FUT8: variants seen among roughly 807,000 people sequenced by gnomAD.
FUT8 encodes alpha-(1,6)-fucosyltransferase.
Under a neutral mutation model 71.3 loss-of-function variants are expected in FUT8, and 29 were observed. The ratio of observed to expected loss-of-function variants is 0.41; its 90% CI spans 0.30 to 0.55. The LOEUF is 0.55. FUT8 is among the 20% of genes least tolerant of loss of function. FUT8 has a pLI of 0.34. For synonymous variants in FUT8, 254 were observed against 239.3 expected, an observed-to-expected ratio of 1.06 and a Z score of -0.57; for missense variants, 544 against 702.1, an observed-to-expected ratio of 0.77 and a Z score of 2.55.
chr14:65,650,496 G>A (rs917618770), intron 6 of FUT8, among the ~76,000 whole-genome samples: 59 of 151,560 alleles, frequency 3.9e-4, no homozygotes, highest in Admixed American at 5.9e-4. Flanking sequence ...AGAGAGCAGG[G>A]AGGTGCCACA....
chr14:65,429,861 CAAAAAAAAA>C (rs58941594), intron 1 of FUT8, among the ~76,000 whole-genome samples: 3 of 80,994 alleles, frequency 3.7e-5, no homozygotes, highest in South Asian at 5.1e-4. Context: ...GAGACTGTCT[CAAAAAAAAA>C]AAAAAAAAAA....
At position 65,576,696 on chromosome 14, in the gene FUT8, C is replaced by CTTTTTTTTTTTTTTTTTTTTTTTTTTT. The variant is rs376473739; in HGVS notation, c.203+14945_203+14971dup. On this transcript the variant is annotated intron_variant, in intron 3 of 10. Coordinates refer to ENST00000673929, the MANE Select transcript of FUT8 (RefSeq NM_001371533.1). ...GGTGTGTGCCATGATGCCCAGCTTG[C>CTTTTTTTTTTTTTTTTTTTTTTTTTTT]TTTTTTTTTTTTTTTTTTTTTTTTT... is the stretch of plus-strand genomic sequence containing the variant. 4.2e-5 allele frequency among the ~76,000 whole-genome samples: 4 copies of CTTTTTTTTTTTTTTTTTTTTTTTTTTT among 96,220 alleles called. 1 individual carries two copies. Among genetic ancestry groups the CTTTTTTTTTTTTTTTTTTTTTTTTTTT allele is most frequent in the African/African-American group, 1.9e-4 (3 of 15,878 alleles). The allele number at this position is 96,220 out of a possible 152,430, so 63.1% of individuals were successfully genotyped here.
chr14:65,438,862 A>G (rs1476533134), intron 1 of FUT8, among the ~76,000 whole-genome samples: 2 of 152,230 alleles, frequency 1.3e-5, no homozygotes, highest in South Asian at 2.1e-4. Flanking sequence ...AGAAGCTGCT[A>G]TGCATTGCTA....
chr14:65,676,419 A>G (rs1270792696), intron 7 of FUT8, among the ~76,000 whole-genome samples: 1 of 152,234 alleles, frequency 6.6e-6, no homozygotes, highest in Admixed American at 6.5e-5. Flanking sequence ...TAACTGTCTC[A>G]GAAATTATCA....
At chr14:65,470,914 C>G (rs1164391158) in intron 2 of FUT8, among the ~76,000 whole-genome samples, 1 of 152,038 alleles carries the variant, frequency 6.6e-6, no homozygotes, top group East Asian at 1.9e-4. Flanking sequence ...CCGCCTCTCC[C>G]TGTGCCGTCC....
At chr14:65,677,151 T>TGTGTGTGTGTGTGCGCGCGCGCGCGCAC in intron 7 of FUT8, among the ~76,000 whole-genome samples, 2 of 110,702 alleles carry the variant, frequency 1.8e-5, no homozygotes, top group Non-Finnish European at 3.6e-5. Context: ...TGTGTGTGTG[T>TGTGTGTGTGTGTGCGCGCGCGCGCGCAC]GCGCGCGCGC....
intron 1 of FUT8, among the ~76,000 whole-genome samples, chr14:65,432,836 C>T (rs1245562987): frequency 6.6e-6 from 1 of 151,952 alleles, no homozygotes; most frequent in African/African-American, 2.4e-5. Flanking sequence ...ATAAATAATC[C>T]ACCCCTTATT....
At chr14:65,532,275 C>T (rs185936133) in intron 2 of FUT8, among the ~76,000 whole-genome samples, 1,615 of 152,284 alleles carry the variant, frequency 0.011, 15 homozygotes, top group Non-Finnish European at 0.017. Context: ...TGCAACCTTG[C>T]CAGCATCTGA....
At chr14:65,716,475 C>T (rs567532248) in intron 7 of FUT8, among the ~76,000 whole-genome samples, 1 of 147,724 alleles carries the variant, frequency 6.8e-6, no homozygotes, top group African/African-American at 2.5e-5. Flanking sequence ...TAACAAAGCA[C>T]ATCTTGCACC....
At chr14:65,451,345 G>C (rs996664568) in intron 1 of FUT8, among the ~76,000 whole-genome samples, 1 of 152,272 alleles carries the variant, frequency 6.6e-6, no homozygotes, top group East Asian at 1.9e-4. Flanking sequence ...CGGAACGGCC[G>C]GATGCTTTAG....
intron 7 of FUT8, among the ~76,000 whole-genome samples, chr14:65,689,694 G>A (rs1318875801): frequency 5.3e-5 from 8 of 152,162 alleles, no homozygotes; most frequent in East Asian, 1.9e-4. Flanking sequence ...ACATGCCACC[G>A]TGCCTGGCTA....
chr14:65,680,338 A>G (rs1286982334), intron 7 of FUT8, among the ~76,000 whole-genome samples: 1 of 152,164 alleles, frequency 6.6e-6, no homozygotes, highest in Non-Finnish European at 1.5e-5. Flanking sequence ...TAGCTTTTGC[A>G]TTTATGTCTA....
At chr14:65,688,365 G>C (rs1406578917) in intron 7 of FUT8, among the ~76,000 whole-genome samples, 1 of 151,130 alleles carries the variant, frequency 6.6e-6, no homozygotes, top group East Asian at 1.9e-4. Context: ...TTTCTGACTG[G>C]CTTTTGTTTT....
upstream of FUT8, among the ~76,000 whole-genome samples, chr14:65,408,619 AT>A (rs1235780692): frequency 2.0e-5 from 3 of 152,266 alleles, no homozygotes; most frequent in African/African-American, 7.2e-5. Flanking sequence ...TGAATGTTCA[AT>A]TAGAAATCAA....
chr14:65,665,238 A>G (rs1892154037), intron 6 of FUT8, among the ~76,000 whole-genome samples: 2 of 152,204 alleles, frequency 1.3e-5, no homozygotes, highest in Admixed American at 1.3e-4. Context: ...AATTGTGAAG[A>G]TAGATGGAAT....
intron 2 of FUT8, among the ~76,000 whole-genome samples, chr14:65,502,520 C>T (rs965009065): frequency 3.9e-5 from 6 of 152,114 alleles, no homozygotes; most frequent in East Asian, 1.9e-4. Context: ...CCACCGTGCC[C>T]GGCCCGGGTC....
chr14:65,460,413 G>A (rs865891518), intron 2 of FUT8, among the ~76,000 whole-genome samples: 1 of 152,318 alleles, frequency 6.6e-6, no homozygotes, highest in African/African-American at 2.4e-5. Context: ...TCCTTTTAAA[G>A]ATTGGAGTTT....
chr14:65,598,920 A>G (rs985072817), intron 3 of FUT8, among the ~76,000 whole-genome samples: 20 of 152,032 alleles, frequency 1.3e-4, no homozygotes, highest in Non-Finnish European at 1.0e-4. Flanking sequence ...CCTCCTCAGT[A>G]GCTGGGACTA....
intron 3 of FUT8, among the ~76,000 whole-genome samples, chr14:65,565,968 A>G (rs1028303162): frequency 6.6e-6 from 1 of 151,882 alleles, no homozygotes; most frequent in Non-Finnish European, 1.5e-5. Flanking sequence ...AATATAATAA[A>G]AAACAAAAAC....
Sources: gnomAD v4.1 joint callset for allele counts (sites outside exome capture counted in the v4.1 genomes callset) on GRCh38, gnomAD v4.1.1 for gene constraint, MANE v1.5 for transcripts, NCBI Gene and HGNC (gene_info 2026-07-23, HGNC 2026-07-21) for gene names.